PIN1: variants seen among roughly 807,000 people sequenced by gnomAD.
PIN1 encodes the protein peptidyl-prolyl cis-trans isomerase NIMA-interacting 1.
PIN1 carries 8 observed loss-of-function variants against 19.9 expected under a neutral mutation model. That is an observed-to-expected ratio of 0.40 (90% CI 0.24 to 0.72). The LOEUF is 0.72. PIN1 is among the 30% of genes least tolerant of loss of function. The pLI is 0.37. For synonymous variants in PIN1, 86 were observed against 90.8 expected, an observed-to-expected ratio of 0.95 and a Z score of 0.30; for missense variants, 185 against 226.5, an observed-to-expected ratio of 0.82 and a Z score of 1.18.
chr19:9,847,122 G>A (rs1052925488), intron 2 of PIN1, among the ~76,000 whole-genome samples: 4 of 152,012 alleles, frequency 2.6e-5, no homozygotes, highest in African/African-American at 7.3e-5. Flanking sequence ...GACCTGGCAC[G>A]TGCACAAGAC....
chr19:9,848,360 T>A, intron 3 of PIN1: 1 of 573,260 alleles, frequency 1.7e-6, no homozygotes, highest in Non-Finnish European at 3.1e-6. Flanking sequence ...TGGCATCATC[T>A]CTACCCTGGG....
intron 1 of PIN1, chr19:9,836,743 T>A (rs903258484): frequency 1.1e-6 from 1 of 916,072 alleles, no homozygotes; most frequent in South Asian, 1.4e-5. Flanking sequence ...CCATGCACGG[T>A]GTAGTAGCTA....
At position 9,838,346 on chromosome 19, in the gene PIN1, G is replaced by GC; in HGVS notation, c.59-88dup. The GC allele has an allele frequency of 9.7e-7, 1 of 1,033,890 alleles. No homozygotes were observed. 64.0% of individuals were successfully genotyped at this position (1,033,890 alleles called of 1,614,324 possible). A position where few individuals can be genotyped will look rare whatever the true frequency, so the allele number is the denominator to read the frequency against. On this transcript the variant is annotated intron_variant, in intron 1 of 3. Transcript: ENST00000247970. This position sits in a 1 kb window ranked among gnomAD's most constrained non-coding sequence, Gnocchi z 5.8. ...TGTTGAATGAAGGCGCCCCCTGCAA[G>GC]CCAGGCCCTCACCCTGGCTTCTGGC...
chr19:9,840,138 C>T (rs913930452), intron 2 of PIN1, among the ~76,000 whole-genome samples: 1 of 152,180 alleles, frequency 6.6e-6, no homozygotes, highest in Non-Finnish European at 1.5e-5. Flanking sequence ...TCTGTAATTC[C>T]AGCACTTTGG....
rs2046130092 is a variant in PIN1 at position 9,838,295 on chromosome 19, G to A, written c.59-141G>A. The A allele has an allele frequency of 1.4e-6, 1 of 723,786 alleles. No individual in the cohort carries two copies. Among genetic ancestry groups the A allele is most frequent in the African/African-American group, 1.7e-5 (1 of 57,416 alleles). 44.8% of individuals were successfully genotyped at this position (723,786 alleles called of 1,614,324 possible). A position where few individuals can be genotyped will look rare whatever the true frequency, so the allele number is the denominator to read the frequency against. ...ATTGGCCCACGTCTGGAGAGCCTGT[G>A]GCACATGGTGGATACACCATGGATT... On this transcript the variant is annotated intron_variant, in intron 1 of 3. Transcript: ENST00000247970. This position sits in a 1 kb window ranked among gnomAD's most constrained non-coding sequence, Gnocchi z 5.8.
rs753813436 is a variant in PIN1, at chr19:9,838,019, CA to C, written c.59-416del. On this transcript the variant is annotated intron_variant, in intron 1 of 3. Transcript: ENST00000247970. The surrounding 1 kb of genome is among the most constrained non-coding windows in gnomAD (Gnocchi z 5.8). ...GTTATCTCCATTTTGCAGGTGAGAA[CA>C]CCAAGGCCCAGGGAAGATATATCAC... The C allele has an allele frequency of 1.7e-3, 489 of 288,352 alleles. No individual in the cohort carries two copies. Among genetic ancestry groups the C allele is most frequent in the Non-Finnish European group, 2.5e-3 (374 of 146,896 alleles). The allele number at this position is 288,352 out of a possible 1,614,324, so 17.9% of individuals were successfully genotyped here.
intron 2 of PIN1, among the ~76,000 whole-genome samples, chr19:9,842,909 C>G (rs531427803): frequency 4.9e-4 from 74 of 152,356 alleles, no homozygotes; most frequent in African/African-American, 1.7e-3. Context: ...CCATTTAGAT[C>G]TGGTGCTCCG....
In PIN1 at chr19:9,838,184, A is replaced by G; in HGVS notation, c.59-252A>G. 6 of 562,678 alleles carry G rather than the reference A, an allele frequency of 1.1e-5. No individual in the cohort carries two copies. Among genetic ancestry groups the G allele is most frequent in the South Asian group, 3.9e-5 (2 of 50,912 alleles). The allele number at this position is 562,678 out of a possible 1,614,324, so 34.9% of individuals were successfully genotyped here. A position where few individuals can be genotyped will look rare whatever the true frequency, so the allele number is the denominator to read the frequency against. On this transcript the variant is annotated intron_variant, in intron 1 of 3. Coordinates refer to ENST00000247970, the MANE Select transcript of PIN1 (RefSeq NM_006221.4). This position sits in a 1 kb window ranked among gnomAD's most constrained non-coding sequence, Gnocchi z 5.8. ...CTTGAAGTTATCAGGGATTGATACT[A>G]TCCTGTGTTTCATTTGCTTGTTTAG...
intron 1 of PIN1, chr19:9,837,666 C>T (rs2046122926): frequency 6.5e-6 from 1 of 154,470 alleles, no homozygotes; most frequent in African/African-American, 2.4e-5. Context: ...GAGTTTTGCT[C>T]TTGTTGCCCA....
At chr19:9,845,193 C>G (rs2046207756) in intron 2 of PIN1, among the ~76,000 whole-genome samples, 3 of 152,100 alleles carry the variant, frequency 2.0e-5, no homozygotes, top group African/African-American at 7.2e-5. Context: ...ACACACAGGA[C>G]CAAACCCCTC....
intron 2 of PIN1, among the ~76,000 whole-genome samples, chr19:9,845,618 G>T (rs1344997237): frequency 6.6e-6 from 1 of 152,152 alleles, no homozygotes; most frequent in Non-Finnish European, 1.5e-5. Context: ...TCTGCAAAAG[G>T]AAAACAAAAA....
intron 2 of PIN1, 77 bp from the exon 3 acceptor site, chr19:9,847,953 C>A: frequency 1.1e-6 from 1 of 898,896 alleles, no homozygotes; most frequent in Non-Finnish European, 1.9e-6. Context: ...CTGGCCAGCT[C>A]TGGAGTCCTC....
intron 1 of PIN1, chr19:9,837,014 G>T: frequency 2.2e-6 from 1 of 460,174 alleles, no homozygotes; most frequent in Non-Finnish European, 4.1e-6. Flanking sequence ...TTTGGAGATG[G>T]TCTCACTGTG....
chr19:9,846,841 C>T lies in PIN1; in HGVS notation c.272-1189C>T, dbSNP rs1479816148. Among the ~76,000 whole-genome samples the T allele has an allele frequency of 6.6e-6, 1 of 152,130 alleles. No homozygotes were observed. Among genetic ancestry groups the T allele is most frequent in the Admixed American group, 6.5e-5 (1 of 15,282 alleles). ...TGTCAGGGTGACATTAAGAAACCCC[C>T]TACTGAGTGTGTCAGGGTGACCTTC... is the stretch of plus-strand genomic sequence containing the variant. On this transcript the variant is annotated intron_variant, in intron 2 of 3. Coordinates refer to ENST00000247970, the MANE Select transcript of PIN1 (RefSeq NM_006221.4). This position sits in a 1 kb window ranked among gnomAD's most constrained non-coding sequence, Gnocchi z 5.9.
In PIN1 at chr19:9,838,721, C is replaced by A; in HGVS notation, c.271+73C>A. The stretch of plus-strand genomic sequence containing the variant: ...GAGCCTTTGTAGAAGTCACATCAGA[C>A]CCTTCACCCCAGCTTGCTCAGCTGC... On this transcript the variant is annotated intron_variant, in intron 2 of 3. Coordinates refer to ENST00000247970, the MANE Select transcript of PIN1 (RefSeq NM_006221.4). The surrounding 1 kb of genome is among the most constrained non-coding windows in gnomAD (Gnocchi z 5.8). 1 of 1,240,136 alleles carries A rather than the reference C, an allele frequency of 8.1e-7. No individual in the cohort carries two copies. Among genetic ancestry groups the A allele is most frequent in the Non-Finnish European group, 1.1e-6 (1 of 888,892 alleles). 76.8% of individuals were successfully genotyped at this position (1,240,136 alleles called of 1,614,324 possible). A position where few individuals can be genotyped will look rare whatever the true frequency, so the allele number is the denominator to read the frequency against.
rs149735658 is a variant in PIN1 at position 9,849,154 on chromosome 19, C to G, written c.447C>G (p.Pro149=). 9 of 1,613,592 alleles carry G rather than the reference C, an allele frequency of 5.6e-6. 1 individual carries two copies. Among genetic ancestry groups the G allele is most frequent in the East Asian group, 4.5e-5 (2 of 44,862 alleles). Reference sequence around the variant, plus strand: ...TGCGGACGGGGGAGATGAGCGGGCCCGTGTTCACGGATTCCGGCATCCACA... The same window carrying G: ...TGCGGACGGGGGAGATGAGCGGGCCGGTGTTCACGGATTCCGGCATCCACA... The part of the protein sequence containing the change: ...FALRTGEMSG[P]VFTDSGIHII... The change falls in exon 4 of 4, where the codon CCC becomes CCG. Residue 149 remains proline (P), a synonymous_variant. Transcript: ENST00000247970.
chr19:9,838,391 T>A lies in PIN1; in HGVS notation c.59-45T>A, dbSNP rs1459754234. 6.6e-7 allele frequency: 1 copy of A among 1,514,696 alleles called. No individual in the cohort carries two copies. The highest frequency in any genetic ancestry group is 1.2e-5 in the South Asian group (1 of 84,082). 93.8% of individuals were successfully genotyped at this position (1,514,696 alleles called of 1,614,324 possible). A position where few individuals can be genotyped will look rare whatever the true frequency, so the allele number is the denominator to read the frequency against. ...TCTGGCTGTGGGCCCAGGGGTGTCCTGGGAGCACAACCCTAGCTGAATTCC... is the reference window on the plus strand; with the variant it reads ...TCTGGCTGTGGGCCCAGGGGTGTCCAGGGAGCACAACCCTAGCTGAATTCC... On this transcript the variant is annotated intron_variant, in intron 1 of 3. Transcript: ENST00000247970. This position sits in a 1 kb window ranked among gnomAD's most constrained non-coding sequence, Gnocchi z 5.8.
At chr19:9,844,603 G>A (rs969154157) in intron 2 of PIN1, among the ~76,000 whole-genome samples, 2 of 152,208 alleles carry the variant, frequency 1.3e-5, no homozygotes, top group Non-Finnish European at 2.9e-5. Flanking sequence ...AGGCCACCCT[G>A]TGTCTGTGTG....
At chr19:9,840,070 A>G (rs1408908862) in intron 2 of PIN1, among the ~76,000 whole-genome samples, 3 of 152,210 alleles carry the variant, frequency 2.0e-5, no homozygotes, top group African/African-American at 7.2e-5. Context: ...GGTGGCTGCC[A>G]TCTTTGACAG....
Sources: allele counts gnomAD v4.1 joint callset (sites outside exome capture counted in the v4.1 genomes callset), GRCh38; gene constraint gnomAD v4.1.1; non-coding constraint Gnocchi (gnomAD v3.1); transcripts MANE v1.5; gene names NCBI Gene and HGNC (gene_info 2026-07-23, HGNC 2026-07-21).